BTF3L4: variants seen among roughly 807,000 people sequenced by gnomAD.
BTF3L4 encodes transcription factor BTF3 homolog 4.
In BTF3L4, 6 loss-of-function variants were observed where a neutral mutation model predicts 16.8. That is an observed-to-expected ratio of 0.36 (90% confidence interval 0.20 to 0.71). The LOEUF (loss-of-function observed/expected upper bound fraction) is 0.71. BTF3L4 is among the 30% of genes least tolerant of loss of function. The probability of loss-of-function intolerance (pLI) is 0.58; values close to 1 mark genes in which losing one functional copy is unlikely to be tolerated. For synonymous variants in BTF3L4, 39 were observed against 59.8 expected (o/e 0.65, Z 1.60); for missense variants, 92 against 186.9 (o/e 0.49, Z 2.96).
intron 3 of BTF3L4, among the ~76,000 whole-genome samples, chr1:52,068,490 T>C (rs1686707901): frequency 1.3e-5 from 2 of 152,146 alleles, no homozygotes; most frequent in Admixed American, 1.3e-4. Context: ...TGGTTACAGA[T>C]GAGAGAGCTG....
intron 3 of BTF3L4, chr1:52,065,266 C>G (rs944317629): frequency 4.4e-5 from 7 of 158,356 alleles, no homozygotes; most frequent in African/African-American, 1.7e-4. Flanking sequence ...ATGAGATAGA[C>G]CTTTTTTTTT....
rs57529132 is a variant in BTF3L4, at chr1:52,073,689, C to CAA, written c.168+8778_168+8779dup. Among the ~76,000 whole-genome samples the CAA allele has an allele frequency of 1.0e-3, 71 of 67,646 alleles. 1 individual carries two copies. Among genetic ancestry groups the CAA allele is most frequent in the African/African-American group, 4.4e-3 (64 of 14,560 alleles). The allele number at this position is 67,646 out of a possible 152,430, so 44.4% of individuals were successfully genotyped here. ...GTAACATCGTGAGATGCTGTCTCTA[C>CAA]AAAAAAAAAAAAAAAAAAAAAAAAA... is the stretch of plus-strand genomic sequence containing the variant. On this transcript the variant is annotated intron_variant, in intron 3 of 5. Coordinates refer to ENST00000313334, the MANE Select transcript of BTF3L4 (RefSeq NM_152265.5).
intron 4 of BTF3L4, among the ~76,000 whole-genome samples, chr1:52,084,025 A>C (rs1418360617): frequency 6.6e-6 from 1 of 152,166 alleles, no homozygotes; most frequent in Non-Finnish European, 1.5e-5. Context: ...CGTCTCAAAA[A>C]AAAAAAAAAA....
chr1:52,069,481 A>T (rs1686731721), intron 3 of BTF3L4, among the ~76,000 whole-genome samples: 1 of 152,178 alleles, frequency 6.6e-6, no homozygotes, highest in Non-Finnish European at 1.5e-5. Flanking sequence ...CTCAGATATG[A>T]ACATATATAT....
At chr1:52,059,745 A>G (rs1686462179) in intron 1 of BTF3L4, 90 bp from the exon 2 acceptor site, 5 of 1,050,786 alleles carry the variant, frequency 4.8e-6, no homozygotes, top group Non-Finnish European at 7.3e-6. Context: ...GCATACTACA[A>G]GCTCAGTGAA....
intron 1 of BTF3L4, among the ~76,000 whole-genome samples, chr1:52,056,748 T>C (rs1201921030): frequency 5.3e-5 from 8 of 152,260 alleles, no homozygotes; most frequent in Admixed American, 5.2e-4. Flanking sequence ...CATTTGATGC[T>C]CCCAGTCTAC....
chr1:52,068,135 G>A (rs1686700418), intron 3 of BTF3L4, among the ~76,000 whole-genome samples: 1 of 152,142 alleles, frequency 6.6e-6, no homozygotes, highest in South Asian at 2.1e-4. Flanking sequence ...TAGTGTAGGG[G>A]CAGCATTGAT....
rs1644001826 is a variant in BTF3L4, at chr1:52,089,610, T to G, written c.*2852T>G. The G allele has an allele frequency of 6.6e-6, 1 of 152,190 alleles. No homozygotes were observed. Among genetic ancestry groups the G allele is most frequent in the African/African-American group, 2.4e-5 (1 of 41,456 alleles). The allele number at this position is 152,190 out of a possible 1,614,324, so 9.4% of individuals were successfully genotyped here. On this transcript the variant is annotated 3_prime_UTR_variant, in exon 6 of 6. Coordinates refer to ENST00000313334, the MANE Select transcript of BTF3L4 (RefSeq NM_152265.5). ...TGATAAAAACATTTTGGGGGGGAAA[T>G]TGACCTTAAAATTTTGGGATAATTC...
chr1:52,085,255 G>A (rs978067168), intron 4 of BTF3L4, among the ~76,000 whole-genome samples: 1 of 151,496 alleles, frequency 6.6e-6, no homozygotes, highest in Non-Finnish European at 1.5e-5. Flanking sequence ...TCCTGACCTC[G>A]TGATCCACCT....
intron 2 of BTF3L4, among the ~76,000 whole-genome samples, chr1:52,063,229 A>G (rs552665231): frequency 1.6e-4 from 25 of 152,336 alleles, no homozygotes; most frequent in Admixed American, 4.6e-4. Context: ...AGACTTGAGT[A>G]TATGGTGGTA....
At chr1:52,084,273 G>A (rs1030134098) in intron 4 of BTF3L4, among the ~76,000 whole-genome samples, 19 of 152,034 alleles carry the variant, frequency 1.2e-4, no homozygotes, top group African/African-American at 4.6e-4. Context: ...CCGAGTAGCA[G>A]GGACTACAGG....
intron 3 of BTF3L4, among the ~76,000 whole-genome samples, chr1:52,078,739 A>G (rs1305634523): frequency 1.3e-5 from 2 of 152,194 alleles, no homozygotes; most frequent in African/African-American, 2.4e-5. Context: ...ACACATCAGT[A>G]TTAAAGCAAA....
rs1491466680 is a variant in BTF3L4 at position 52,073,494 on chromosome 1, A to ATATG, written c.168+8556_168+8557insTATG. Among the ~76,000 whole-genome samples the ATATG allele has an allele frequency of 1.0e-3, 4 of 3,984 alleles. No homozygotes were observed. In the East Asian group the frequency reaches 0.019, roughly 19 times the overall value. The allele number at this position is 3,984 out of a possible 152,430, so 2.6% of individuals were successfully genotyped here. ...TATATGCACTATATATATGCTACAT[A>ATATG]CACACACACACACACACACACACAC... On this transcript the variant is annotated intron_variant, in intron 3 of 5. Coordinates refer to ENST00000313334, the MANE Select transcript of BTF3L4 (RefSeq NM_152265.5).
intron 1 of BTF3L4, among the ~76,000 whole-genome samples, chr1:52,059,010 A>G (rs537774837): frequency 6.6e-6 from 1 of 152,324 alleles, no homozygotes; most frequent in African/African-American, 2.4e-5. Context: ...ATTCATGACT[A>G]TAATTTTAGA....
In BTF3L4 at chr1:52,088,395, A is replaced by G. The variant is rs898966641; in HGVS notation, c.*1637A>G. 2 of 152,664 alleles carry G rather than the reference A, an allele frequency of 1.3e-5. No individual in the cohort carries two copies. Among genetic ancestry groups the G allele is most frequent in the Admixed American group, 1.3e-4 (2 of 15,270 alleles). 9.5% of individuals were successfully genotyped at this position (152,664 alleles called of 1,614,324 possible). On this transcript the variant is annotated 3_prime_UTR_variant, in exon 6 of 6. Coordinates refer to ENST00000313334, the MANE Select transcript of BTF3L4 (RefSeq NM_152265.5). The stretch of plus-strand genomic sequence containing the variant: ...TAAAATAACAGTGCAAAAGAGGAGA[A>G]TATTTCCTCTTGTGCTTTTCTTGAT...
At chr1:52,058,827 C>A (rs1476741086) in intron 1 of BTF3L4, among the ~76,000 whole-genome samples, 1 of 152,074 alleles carries the variant, frequency 6.6e-6, no homozygotes, top group African/African-American at 2.4e-5. Flanking sequence ...CTCGAACTCC[C>A]GACCTCAGGT....
intron 4 of BTF3L4, 51 bp downstream of exon 4, chr1:52,083,592 C>T (rs746212891): frequency 3.5e-6 from 5 of 1,423,230 alleles, no homozygotes; most frequent in African/African-American, 2.8e-5. Flanking sequence ...ACTTAAAGAA[C>T]CTAATCATTT....
At chr1:52,067,255 GC>G (rs1278881915) in intron 3 of BTF3L4, among the ~76,000 whole-genome samples, 1 of 152,162 alleles carries the variant, frequency 6.6e-6, no homozygotes, top group African/African-American at 2.4e-5. Context: ...TAAAGAAATA[GC>G]AGAGTTAAAT....
chr1:52,083,685 T>G, intron 4 of BTF3L4, 144 bp downstream of exon 4: 1 of 691,184 alleles, frequency 1.4e-6, no homozygotes, highest in Non-Finnish European at 2.5e-6. Flanking sequence ...TTCATAAAAT[T>G]TTGAGTTTGT....
Sources: allele counts gnomAD v4.1 joint callset (sites outside exome capture counted in the v4.1 genomes callset), GRCh38; gene constraint gnomAD v4.1.1; transcripts MANE v1.5; gene names NCBI Gene and HGNC (gene_info 2026-07-23, HGNC 2026-07-21).